The following ZSWIM7 variants were observed in gnomAD, a reference collection of about 807,000 sequenced individuals.
ZSWIM7 encodes the protein zinc finger SWIM domain-containing protein 7.
In ZSWIM7, 22 loss-of-function variants were observed where a neutral mutation model predicts 21.1. That is an observed-to-expected ratio of 1.04 (90% confidence interval 0.74 to 1.49). ZSWIM7 has a LOEUF of 1.49. Ranked by LOEUF, ZSWIM7 falls within the 40% of genes most tolerant of loss-of-function variation. The pLI, the probability that ZSWIM7 is intolerant of heterozygous loss-of-function variation, is 0.00. For missense variants in ZSWIM7, 193 were observed against 168.0 expected (o/e 1.15, Z -0.82); for synonymous variants, 67 against 66.5 (o/e 1.01, Z -0.04).
At position 15,993,872 on chromosome 17, in the gene ZSWIM7, CGT is replaced by C. The variant is rs1255273774; in HGVS notation, c.77-96_77-95del. ...AAAACACTGTAACTAAAAACACTTC[CGT>C]GTGTGATGGTCAACTGAACCTATGC... is the stretch of plus-strand genomic sequence containing the variant. On this transcript the variant is annotated intron_variant, in intron 1 of 4. Coordinates refer to ENST00000399277, the MANE Select transcript of ZSWIM7 (RefSeq NM_001042697.2). 4 of 902,716 alleles carry C rather than the reference CGT, an allele frequency of 4.4e-6. No individual in the cohort carries two copies. In the African/African-American group the frequency reaches 6.7e-5, roughly 15 times the overall value. 55.9% of individuals were successfully genotyped at this position (902,716 alleles called of 1,614,324 possible).
chr17:15,981,952 G>C (rs779864484), intron 3 of ZSWIM7, among the ~76,000 whole-genome samples: 5 of 152,204 alleles, frequency 3.3e-5, no homozygotes, highest in Non-Finnish European at 7.4e-5. Context: ...AGAAGAAACT[G>C]GGAAGAGGCT....
chr17:15,977,846 A>G lies in ZSWIM7; in HGVS notation c.*201T>C. On this transcript the variant is annotated 3_prime_UTR_variant, in exon 5 of 5. Coordinates refer to ENST00000399277, the MANE Select transcript of ZSWIM7 (RefSeq NM_001042697.2). ...TCAGGGTATTTCTTGACAAGACTGT[A>G]CAGGGCTTCTCATCATACACAAACC... 1 of 537,794 alleles carries G rather than the reference A, an allele frequency of 1.9e-6. No homozygotes were observed. Among genetic ancestry groups the G allele is most frequent in the Non-Finnish European group, 3.4e-6 (1 of 296,426 alleles). The allele number at this position is 537,794 out of a possible 1,614,324, so 33.3% of individuals were successfully genotyped here. A position where few individuals can be genotyped will look rare whatever the true frequency, so the allele number is the denominator to read the frequency against.
intron 4 of ZSWIM7, 96 bp from the exon 5 acceptor site, chr17:15,978,259 A>C: frequency 1.1e-6 from 1 of 872,954 alleles, no homozygotes; most frequent in South Asian, 1.4e-5. Flanking sequence ...TTGGCAGGAG[A>C]AGACTAGAGC....
chr17:15,992,119 G>C (rs1214020655), intron 2 of ZSWIM7, among the ~76,000 whole-genome samples: 1 of 151,978 alleles, frequency 6.6e-6, no homozygotes, highest in African/African-American at 2.4e-5. Context: ...TAGAGACGGG[G>C]TTTCACCATG....
intron 2 of ZSWIM7, among the ~76,000 whole-genome samples, chr17:15,988,045 G>C (rs1222017018): frequency 2.0e-5 from 3 of 152,036 alleles, no homozygotes; most frequent in Admixed American, 1.3e-4. Flanking sequence ...TTTCCTTCCT[G>C]TTAATGTGTT....
At chr17:15,979,687 C>T (rs1479699827) in intron 4 of ZSWIM7, among the ~76,000 whole-genome samples, 2 of 137,990 alleles carry the variant, frequency 1.4e-5, no homozygotes, top group Admixed American at 1.4e-4. Context: ...CCACCTCCCT[C>T]CCGAATGGGG....
chr17:15,985,044 C>T lies in ZSWIM7; in HGVS notation c.201+2222G>A, dbSNP rs535555089. Among the ~76,000 whole-genome samples, 22 of 152,332 alleles carry T rather than the reference C, an allele frequency of 1.4e-4. No homozygotes were observed. In the South Asian group the frequency reaches 4.6e-3, roughly 32 times the overall value. On this transcript the variant is annotated intron_variant, in intron 3 of 4. Coordinates refer to ENST00000399277, the MANE Select transcript of ZSWIM7 (RefSeq NM_001042697.2). ...AAGTGGCCAGGAGTGCAGGCTCACG[C>T]CTGTAATCCCAGCACTTTGGAAAGC...
chr17:15,981,451 C>A (rs190996770), intron 3 of ZSWIM7, among the ~76,000 whole-genome samples: 14 of 145,922 alleles, frequency 9.6e-5, no homozygotes, highest in Admixed American at 7.7e-4. Context: ...TATGGGCTGA[C>A]TGTAATAAGA....
At chr17:15,983,461 G>T (rs1970379066) in intron 3 of ZSWIM7, among the ~76,000 whole-genome samples, 1 of 150,444 alleles carries the variant, frequency 6.6e-6, no homozygotes, top group African/African-American at 2.5e-5. Context: ...ATATCACCGA[G>T]ACCATTCAGT....
At chr17:15,990,439 A>G (rs957220043) in intron 2 of ZSWIM7, among the ~76,000 whole-genome samples, 9 of 151,886 alleles carry the variant, frequency 5.9e-5, no homozygotes, top group Non-Finnish European at 1.0e-4. Context: ...TCCACCTCCC[A>G]GATTCAAGTG....
At chr17:15,979,879 A>T (rs1443701398) in intron 4 of ZSWIM7, among the ~76,000 whole-genome samples, 6 of 29,196 alleles carry the variant, frequency 2.1e-4, no homozygotes, top group African/African-American at 1.7e-3. Flanking sequence ...CGGGGGGCTG[A>T]CCCCCCCACC....
intron 1 of ZSWIM7, 130 bp downstream of exon 1, chr17:15,999,389 G>T (rs762636670): frequency 4.3e-6 from 5 of 1,165,132 alleles, no homozygotes; most frequent in African/African-American, 1.5e-5. Context: ...ACGAACAAGA[G>T]GTTTAGAGAA....
Position 15,980,779 on chromosome 17 carries a change from G to C in ZSWIM7, c.306+261C>G, listed in dbSNP as rs530831165. Among the ~76,000 whole-genome samples, 3 of 152,202 alleles carry C rather than the reference G, an allele frequency of 2.0e-5. No individual in the cohort carries two copies. The East Asian group carries it at 5.8e-4, about 29-fold the overall frequency. On this transcript the variant is annotated intron_variant, in intron 4 of 4. Coordinates refer to ENST00000399277, the MANE Select transcript of ZSWIM7 (RefSeq NM_001042697.2). ...ATCTAATTCCCCAGTGCCCACTTCT[G>C]GGATTCCCTTTTTTTCCTTCTCAAA...
intron 4 of ZSWIM7, among the ~76,000 whole-genome samples, chr17:15,979,488 T>C (rs933280281): frequency 6.6e-5 from 10 of 152,312 alleles, no homozygotes; most frequent in African/African-American, 2.4e-4. Flanking sequence ...TGGCCCGCTC[T>C]CAATGAGCTG....
At chr17:15,983,625 T>C (rs1672623823) in intron 3 of ZSWIM7, among the ~76,000 whole-genome samples, 1 of 152,242 alleles carries the variant, frequency 6.6e-6, no homozygotes, top group Non-Finnish European at 1.5e-5. Flanking sequence ...TTCATTTTGT[T>C]GCCCAGGCTG....
chr17:15,984,749 G>A (rs75531820), intron 3 of ZSWIM7, among the ~76,000 whole-genome samples: 9,543 of 152,238 alleles, frequency 0.063, 425 homozygotes, highest in Middle Eastern at 0.11. Flanking sequence ...GTAGCCAAGC[G>A]AAAAATGTTA....
intron 3 of ZSWIM7, among the ~76,000 whole-genome samples, chr17:15,981,706 G>A (rs1970358114): frequency 6.6e-6 from 1 of 152,008 alleles, no homozygotes; most frequent in Non-Finnish European, 1.5e-5. Context: ...CCCCCCCAGA[G>A]TTCAAGACCA....
intron 3 of ZSWIM7, among the ~76,000 whole-genome samples, chr17:15,981,377 G>C (rs1436024392): frequency 6.6e-6 from 1 of 151,798 alleles, no homozygotes; most frequent in African/African-American, 2.4e-5. Context: ...AAGAGTTTCA[G>C]ATTAGTTCAA....
chr17:15,987,770 C>A (rs1970433330), intron 2 of ZSWIM7, among the ~76,000 whole-genome samples: 1 of 152,006 alleles, frequency 6.6e-6, no homozygotes, highest in African/African-American at 2.4e-5. Context: ...GCCACCACAC[C>A]CGGCTAATTT....
Sources: allele counts gnomAD v4.1 joint callset (sites outside exome capture counted in the v4.1 genomes callset), GRCh38; gene constraint gnomAD v4.1.1; transcripts MANE v1.5; gene names NCBI Gene and HGNC (gene_info 2026-07-23, HGNC 2026-07-21).